Variants in MAMDC4 observed in about 807,000 individuals in gnomAD.
MAMDC4 encodes MAM domain containing 4.
A neutral mutation model predicts 153.3 loss-of-function variants in MAMDC4; 168 were observed. The ratio of observed to expected loss-of-function variants is 1.10; its 90% confidence interval spans 0.97 to 1.25. The LOEUF (loss-of-function observed/expected upper bound fraction) is 1.25, where lower values mean the gene tolerates loss of function less well. Among genes scored for constraint, MAMDC4 ranks in the 50% most tolerant of loss-of-function variants. MAMDC4 has a pLI of 0.00. For synonymous variants in MAMDC4, 744 were observed against 651.5 expected (o/e 1.14, Z -2.16); for missense variants, 1,701 against 1,542.8 (o/e 1.10, Z -1.72).
In MAMDC4 at chr9:136,855,803, CGT is replaced by C. The variant is rs1564386887; in HGVS notation, c.1546_1547del (p.Val516LeufsTer29). 2 of 1,542,768 alleles carry C rather than the reference CGT, an allele frequency of 1.3e-6. No individual in the cohort carries two copies. Among genetic ancestry groups the C allele is most frequent in the East Asian group, 2.4e-5 (1 of 41,682 alleles). ...DASVGRLQWR[R>X]VSAQESQGSS... ...CAGCGTGGGGCGGCTGCAGTGGCGG[CGT>C]GTCTCAGCCCAGGAGAGCCAGGGGT... On this transcript the variant is annotated frameshift_variant, in exon 13 of 27. Coordinates refer to ENST00000317446, the MANE Select transcript of MAMDC4 (RefSeq NM_206920.3). LOFTEE classifies it high-confidence loss of function.
intron 24 of MAMDC4, 27 bp downstream of exon 24, chr9:136,859,159 T>G (rs375263254): frequency 8.2e-6 from 13 of 1,579,520 alleles, no homozygotes; most frequent in African/African-American, 2.7e-5. Flanking sequence ...GCAAGGAGCC[T>G]CCTCCTCCTC....
chr9:136,858,476 C>T lies in MAMDC4; in HGVS notation c.2751C>T (p.Asp917=). 1.2e-6 allele frequency: 2 copies of T among 1,609,158 alleles called. No individual in the cohort carries two copies. The highest frequency in any genetic ancestry group is 2.2e-5 in the South Asian group (2 of 90,968). ...AWPGLGGYSW[D]WGGGATPSRY... is the part of the protein sequence containing the mutation. ...CCGGCCTGGGCGGATACAGCTGGGA[C>T]TGGGGCGGGGGAGCCACCCCCTCTC... is the stretch of plus-strand genomic sequence containing the variant. Residue 917 remains aspartate (D), a synonymous_variant, in exon 22 of 27, where the codon GAC becomes GAT. Transcript: ENST00000317446.
intron 14 of MAMDC4, 154 bp downstream of exon 14, chr9:136,856,303 A>G: frequency 8.0e-7 from 1 of 1,247,654 alleles, no homozygotes; most frequent in Middle Eastern, 1.9e-4. Flanking sequence ...GGGAGCTGGC[A>G]TGGCAGGCCC....
chr9:136,856,640 G>A (rs1849008759), intron 14 of MAMDC4, 70 bp from the exon 15 acceptor site: 2 of 1,484,978 alleles, frequency 1.3e-6, no homozygotes, highest in South Asian at 2.3e-5. Context: ...GGACCCCGGA[G>A]CTTCCACCTT....
intron 26 of MAMDC4, among the ~76,000 whole-genome samples, chr9:136,860,340 T>C (rs1165340391): frequency 6.6e-6 from 1 of 152,106 alleles, no homozygotes; most frequent in African/African-American, 2.4e-5. Flanking sequence ...CCCAACATGG[T>C]GAAACCCCGT....
chr9:136,855,762 G>A lies in MAMDC4; in HGVS notation c.1502G>A (p.Gly501Glu). ...ACAGACTTTGAGTCCCCCGAGGCTG[G>A]GGGCTGGGAGGACGCCAGCGTGGGG... is the stretch of plus-strand genomic sequence containing the variant. ...GTTDFESPEAGGWEDASVGRL... is the reference protein window; with the variant it reads ...GTTDFESPEAEGWEDASVGRL... The change falls in exon 13 of 27, where the codon GGG (glycine) becomes GAG (glutamate). Residue 501 changes from glycine (G) to glutamate (E), a missense_variant. Physicochemically the swap from Gly to Glu is moderately conservative, Grantham distance 98. Transcript: ENST00000317446. 3 of 1,568,954 alleles carry A rather than the reference G, an allele frequency of 1.9e-6. No individual in the cohort carries two copies. The highest frequency in any genetic ancestry group is 1.3e-5 in the African/African-American group (1 of 74,370).
At position 136,858,751 on chromosome 9, in the gene MAMDC4, G is replaced by A; in HGVS notation, c.2854G>A (p.Gly952Ser). ...HFAFFETGVL[G>S]PGGRAAWLRS... is the part of the protein sequence containing the mutation. The stretch of plus-strand genomic sequence containing the variant: ...TGCCTTCTTTGAAACTGGCGTGCTG[G>A]GCCCCGGGGGCCGGGCCGCCTGGCT... The change falls in exon 23 of 27, where the codon GGC becomes AGC. Residue 952 changes from glycine (G) to serine (S), a missense_variant. Gly to Ser is a moderately conservative substitution (Grantham distance 56). Coordinates refer to ENST00000317446, the MANE Select transcript of MAMDC4 (RefSeq NM_206920.3). 6.2e-7 allele frequency: 1 copy of A among 1,611,264 alleles called. No homozygotes were observed. Among genetic ancestry groups the A allele is most frequent in the South Asian group, 1.1e-5 (1 of 91,022 alleles).
chr9:136,853,393 A>G lies in MAMDC4; in HGVS notation c.263A>G (p.Asp88Gly), dbSNP rs776773350. The G allele has an allele frequency of 1.9e-6, 3 of 1,605,702 alleles. No individual in the cohort carries two copies. The highest frequency in any genetic ancestry group is 2.6e-6 in the Non-Finnish European group (3 of 1,174,552). The change falls in exon 3 of 27, where the codon GAC (aspartate) becomes GGC (glycine). Residue 88 changes from aspartate (D) to glycine (G), a missense_variant. By Grantham distance (94) the Asp-to-Gly change is moderately conservative. Coordinates refer to ENST00000317446, the MANE Select transcript of MAMDC4 (RefSeq NM_206920.3). ...ACCTCAGGCTACAGCTGGCTCCGAG[A>G]CAGGGCAGGGGCCGCACTGGAGGGT... is the stretch of plus-strand genomic sequence containing the variant. ...ISTSGYSWLR[D>G]RAGAALEGPG...
At chr9:136,853,516 C>T (rs1848957694) in intron 3 of MAMDC4, 29 bp from the exon 4 acceptor site, 2 of 1,612,344 alleles carry the variant, frequency 1.2e-6, no homozygotes, top group African/African-American at 1.3e-5. Context: ...TGCTCCCTGC[C>T]CCGTCTCCTG....
chr9:136,859,932 C>G lies in MAMDC4; in HGVS notation c.3240C>G (p.Ala1080=). The G allele has an allele frequency of 6.2e-7, 1 of 1,612,468 alleles. No homozygotes were observed. ...CTGTGCCAGCTGTGGTTGGCAGTGC[C>G]CTCCTATTGCTCATGCTCCTGGTGC... ...PGSVPAVVGS[A]LLLLMLLVLL... The change falls in exon 26 of 27, where the codon GCC becomes GCG. Residue 1080 remains alanine (A), a synonymous_variant. Coordinates refer to ENST00000317446, the MANE Select transcript of MAMDC4 (RefSeq NM_206920.3).
chr9:136,856,284 A>G (rs527872813), intron 14 of MAMDC4, 135 bp downstream of exon 14: 21 of 1,417,284 alleles, frequency 1.5e-5, no homozygotes, highest in Middle Eastern at 1.8e-4. Flanking sequence ...GTGGTGGACA[A>G]CGGCTCCCGG....
chr9:136,853,633 T>G lies in MAMDC4; in HGVS notation c.417T>G (p.Ser139=), dbSNP rs774091210. ...RSPTLREAAS[S]CKLRLWYHAA... is the part of the protein sequence containing the mutation. ...CAACCCTGCGAGAGGCAGCCTCCTCTTGCAAGCTGAGGCTCTGGTACCACG... is the reference window on the plus strand; with the variant it reads ...CAACCCTGCGAGAGGCAGCCTCCTCGTGCAAGCTGAGGCTCTGGTACCACG... Residue 139 remains serine (S), a synonymous_variant, in exon 4 of 27, where the codon TCT becomes TCG. Coordinates refer to ENST00000317446, the MANE Select transcript of MAMDC4 (RefSeq NM_206920.3). The G allele has an allele frequency of 2.5e-6, 4 of 1,612,038 alleles. No homozygotes were observed. Among genetic ancestry groups the G allele is most frequent in the Admixed American group, 3.3e-5 (2 of 59,980 alleles).
Position 136,854,823 on chromosome 9 carries a change from C to T in MAMDC4, c.996C>T (p.Phe332=), listed in dbSNP as rs151315050. 3.0e-3 allele frequency: 4,907 copies of T among 1,612,830 alleles called. 13 individuals are homozygous for T. Among genetic ancestry groups the T allele is most frequent in the Non-Finnish European group, 3.5e-3 (4,159 of 1,179,864 alleles). Residue 332 remains phenylalanine, a synonymous_variant, in exon 9 of 27, where the codon TTC becomes TTT. Coordinates refer to ENST00000317446, the MANE Select transcript of MAMDC4 (RefSeq NM_206920.3). ...CTGCTATACTCTCCAGCCCCGAATT[C>T]CAAGCCTCAGGCACCTCCAACTGCT... ...GTPAILSSPE[F]QASGTSNCSL...
In MAMDC4 at chr9:136,857,492, C is replaced by T. The variant is rs778540053; in HGVS notation, c.2232C>T (p.Ser744=). The T allele has an allele frequency of 1.4e-5, 22 of 1,609,842 alleles. No individual in the cohort carries two copies. Among genetic ancestry groups the T allele is most frequent in the Admixed American group, 1.7e-5 (1 of 60,014 alleles). ...CSFEDSDCGF[S]PGGQGLWRRQ... ...TTGAGGACTCAGACTGCGGCTTCTC[C>T]CCTGGAGGCCAAGGTCTCTGGAGGC... is the stretch of plus-strand genomic sequence containing the variant. The change falls in exon 18 of 27, where the codon TCC becomes TCT. Residue 744 remains serine (S), a synonymous_variant. Coordinates refer to ENST00000317446, the MANE Select transcript of MAMDC4 (RefSeq NM_206920.3).
chr9:136,859,694 A>G (rs1482093840), intron 25 of MAMDC4, 192 bp from the exon 26 acceptor site: 4 of 624,478 alleles, frequency 6.4e-6, no homozygotes, highest in African/African-American at 3.7e-5. Flanking sequence ...AGCCCCACCA[A>G]GTCTGCAGAC....
rs977685434 is a variant in MAMDC4 at position 136,854,747 on chromosome 9, C to T, written c.935-15C>T. 3.2e-5 allele frequency: 51 copies of T among 1,612,566 alleles called. No homozygotes were observed. Among genetic ancestry groups the T allele is most frequent in the Non-Finnish European group, 4.2e-5 (50 of 1,179,846 alleles). The stretch of plus-strand genomic sequence containing the variant: ...CAGCCCAGTGGCCCTGGCCCACTCC[C>T]GTCCTTTCCCGCAGGCTCCTTCCTG... On this transcript the variant is annotated splice_polypyrimidine_tract_variant and intron_variant, in intron 8 of 26. Coordinates refer to ENST00000317446, the MANE Select transcript of MAMDC4 (RefSeq NM_206920.3).
chr9:136,860,187 C>G (rs1198697102), intron 26 of MAMDC4, 123 bp downstream of exon 26: 1 of 1,137,862 alleles, frequency 8.8e-7, no homozygotes, highest in Non-Finnish European at 1.2e-6. Flanking sequence ...CCCATCCTTG[C>G]CCTCCCTGCC....
At chr9:136,859,370 G>A (rs1198609521) in intron 25 of MAMDC4, 53 bp downstream of exon 25, 2 of 1,513,772 alleles carry the variant, frequency 1.3e-6, no homozygotes, top group Non-Finnish European at 1.8e-6. Flanking sequence ...GGGCCAGCCT[G>A]GCTCGGGGTT....
At chr9:136,852,915 C>G (rs1036555927) in intron 1 of MAMDC4, among the ~76,000 whole-genome samples, 187 bp from the exon 2 acceptor site, 7 of 152,236 alleles carry the variant, frequency 4.6e-5, no homozygotes, top group Non-Finnish European at 7.3e-5. Context: ...GAAACAGGAA[C>G]GTGCTGTGCT....
Sources: gnomAD v4.1 joint callset for allele counts (sites outside exome capture counted in the v4.1 genomes callset) on GRCh38, gnomAD v4.1.1 for gene constraint, MANE v1.5 for transcripts, NCBI Gene and HGNC (gene_info 2026-07-23, HGNC 2026-07-21) for gene names.